Variants in CRMP1 observed in about 807,000 individuals in gnomAD.
CRMP1 encodes the protein dihydropyrimidinase-related protein 1.
Under a neutral mutation model 68.3 loss-of-function variants are expected in CRMP1, and 19 were observed. The observed-to-expected ratio is 0.28, with a 90% confidence interval of 0.19 to 0.41. The LOEUF is 0.41. Among genes scored for constraint, CRMP1 ranks in the 10% least tolerant of loss-of-function variants. CRMP1 has a pLI of 1.00. For synonymous variants in CRMP1, 439 were observed against 399.6 expected, an observed-to-expected ratio of 1.10 and a Z score of -1.18; for missense variants, 791 against 967.4, an observed-to-expected ratio of 0.82 and a Z score of 2.42.
Position 5,843,742 on chromosome 4 carries a change from C to T in CRMP1, c.964-581G>A, listed in dbSNP as rs1009893592. On this transcript the variant is annotated intron_variant, in intron 6 of 13. Coordinates refer to ENST00000324989, the MANE Select transcript of CRMP1 (RefSeq NM_001014809.3). This position sits in a 1 kb window ranked among gnomAD's most constrained non-coding sequence, Gnocchi z 4.1. ...CAGATGAGCGAGCATACGAAACATG[C>T]TCAGCACAAAACCTGGAGCTGAGCG... is the stretch of plus-strand genomic sequence containing the variant. 6.6e-6 allele frequency among the ~76,000 whole-genome samples: 1 copy of T among 152,138 alleles called. No individual in the cohort carries two copies. The highest frequency in any genetic ancestry group is 1.5e-5 in the Non-Finnish European group (1 of 68,040).
rs183658003 is a variant in CRMP1, at chr4:5,868,538, T to A, written c.382-1782A>T. Among the ~76,000 whole-genome samples the A allele has an allele frequency of 4.8e-4, 73 of 152,108 alleles. 2 individuals carry two copies. The East Asian group carries it at 0.013, about 28-fold the overall frequency. Reference sequence around the variant, plus strand: ...GGATGGTCTCAATCTCCCGACCTCATGATCTGCCTGCCTTGGCCTCCCAAA... The same window carrying A: ...GGATGGTCTCAATCTCCCGACCTCAAGATCTGCCTGCCTTGGCCTCCCAAA... On this transcript the variant is annotated intron_variant, in intron 1 of 13. Transcript: ENST00000324989.
chr4:5,882,806 C>T (rs1397788575), intron 1 of CRMP1, among the ~76,000 whole-genome samples: 1 of 152,150 alleles, frequency 6.6e-6, no homozygotes, highest in Non-Finnish European at 1.5e-5. Context: ...TCAGAGTGGC[C>T]TAGAACTTGG....
In CRMP1 at chr4:5,858,348, C is replaced by T. The variant is rs1273310046; in HGVS notation, c.656-2041G>A. ...CCGGTTGTGTTCTTGGCTTCTCCAC[C>T]GAGATGACTCAAAAGCTCCCCCAAA... On this transcript the variant is annotated intron_variant, in intron 3 of 13. Coordinates refer to ENST00000324989, the MANE Select transcript of CRMP1 (RefSeq NM_001014809.3). This position sits in a 1 kb window ranked among gnomAD's most constrained non-coding sequence, Gnocchi z 5.5. 2.6e-5 allele frequency among the ~76,000 whole-genome samples: 4 copies of T among 152,100 alleles called. No homozygotes were observed. The highest frequency in any genetic ancestry group is 1.9e-4 in the East Asian group (1 of 5,190).
At chr4:5,887,787 G>C in intron 1 of CRMP1, 9 of 989,510 alleles carry the variant, frequency 9.1e-6, no homozygotes, top group Non-Finnish European at 1.1e-5. Context: ...TCCTCCAGCG[G>C]GGGAGGTACC....
At chr4:5,847,862 T>A (rs1712336100) in intron 6 of CRMP1, among the ~76,000 whole-genome samples, 1 of 152,188 alleles carries the variant, frequency 6.6e-6, no homozygotes, top group Non-Finnish European at 1.5e-5. Flanking sequence ...TATCAATATG[T>A]GAAGTCCTTT....
chr4:5,887,512 G>A, intron 1 of CRMP1: 3 of 984,934 alleles, frequency 3.0e-6, no homozygotes, highest in South Asian at 9.4e-5. Context: ...GAGACAAAGC[G>A]TAAAGACGGG....
chr4:5,888,737 T>A lies in CRMP1; in HGVS notation c.381+3852A>T. The A allele has an allele frequency of 1.6e-6, 1 of 628,506 alleles. No homozygotes were observed. The highest frequency in any genetic ancestry group is 2.0e-6 in the Non-Finnish European group (1 of 504,350). The allele number at this position is 628,506 out of a possible 1,614,324, so 38.9% of individuals were successfully genotyped here. ...GAGAGTATGGTTTTCAGGGCTCCTTTAAAAGAAAAAGACGGCGCGGTCAGG... is the reference window on the plus strand; with the variant it reads ...GAGAGTATGGTTTTCAGGGCTCCTTAAAAAGAAAAAGACGGCGCGGTCAGG... On this transcript the variant is annotated intron_variant, in intron 1 of 13. Transcript: ENST00000324989. The surrounding 1 kb of genome is among the most constrained non-coding windows in gnomAD (Gnocchi z 6.4).
At position 5,854,873 on chromosome 4, in the gene CRMP1, CCTT is replaced by C. The variant is rs1484139253; in HGVS notation, c.820+1267_820+1269del. 6.6e-6 allele frequency among the ~76,000 whole-genome samples: 1 copy of C among 152,128 alleles called. No individual in the cohort carries two copies. Among genetic ancestry groups the C allele is most frequent in the Non-Finnish European group, 1.5e-5 (1 of 68,030 alleles). ...TCTTGAAAAATGTTAAAACCTCTGA[CCTT>C]CTAATTCCACTTCTGGAAATCTAAA... On this transcript the variant is annotated intron_variant, in intron 4 of 13. Coordinates refer to ENST00000324989, the MANE Select transcript of CRMP1 (RefSeq NM_001014809.3). This position sits in a 1 kb window ranked among gnomAD's most constrained non-coding sequence, Gnocchi z 4.0.
At chr4:5,846,157 G>A (rs1357035981) in intron 6 of CRMP1, among the ~76,000 whole-genome samples, 8 of 152,126 alleles carry the variant, frequency 5.3e-5, no homozygotes, top group African/African-American at 1.4e-4. Flanking sequence ...TTAGCTAGGC[G>A]TGGTGGCGCA....
At chr4:5,871,354 G>A (rs766158508) in intron 1 of CRMP1, among the ~76,000 whole-genome samples, 2 of 152,152 alleles carry the variant, frequency 1.3e-5, no homozygotes, top group Admixed American at 6.5e-5. Context: ...ACCCGGTGCC[G>A]TGAGTTTAGA....
intron 5 of CRMP1, 58 bp from the exon 6 acceptor site, chr4:5,849,530 G>C: frequency 1.7e-6 from 2 of 1,182,102 alleles, no homozygotes; most frequent in South Asian, 2.6e-5. Context: ...AAATCACAGC[G>C]TGTGCATTCA....
chr4:5,842,410 C>A lies in CRMP1; in HGVS notation c.1032+683G>T, dbSNP rs1236449289. ...TACCACTGCACTGTAGCCTGGGCAA[C>A]AGAGAGAGACTCCATCTCAAAAAAA... is the stretch of plus-strand genomic sequence containing the variant. On this transcript the variant is annotated intron_variant, in intron 7 of 13. Transcript: ENST00000324989. The surrounding 1 kb of genome is among the most constrained non-coding windows in gnomAD (Gnocchi z 4.5). Among the ~76,000 whole-genome samples, 17 of 125,818 alleles carry A rather than the reference C, an allele frequency of 1.4e-4. No individual in the cohort carries two copies. Among genetic ancestry groups the A allele is most frequent in the Admixed American group, 3.9e-4 (4 of 10,278 alleles). 82.5% of individuals were successfully genotyped at this position (125,818 alleles called of 152,430 possible). A position where few individuals can be genotyped will look rare whatever the true frequency, so the allele number is the denominator to read the frequency against.
rs1370059988 is a variant in CRMP1, at chr4:5,888,393, G to A, written c.381+4196C>T. On this transcript the variant is annotated intron_variant, in intron 1 of 13. Coordinates refer to ENST00000324989, the MANE Select transcript of CRMP1 (RefSeq NM_001014809.3). The surrounding 1 kb of genome is among the most constrained non-coding windows in gnomAD (Gnocchi z 6.4). Reference sequence around the variant, plus strand: ...CGGGAGGGATAGAGACACGGACGGAGGCTCGGCGCCCGTGGATGCCCACGC... The same window carrying A: ...CGGGAGGGATAGAGACACGGACGGAAGCTCGGCGCCCGTGGATGCCCACGC... 2 of 1,221,726 alleles carry A rather than the reference G, an allele frequency of 1.6e-6. No individual in the cohort carries two copies. Among genetic ancestry groups the A allele is most frequent in the Non-Finnish European group, 2.0e-6 (2 of 980,734 alleles). The allele number at this position is 1,221,726 out of a possible 1,614,324, so 75.7% of individuals were successfully genotyped here.
rs1402971548 is a variant in CRMP1 at position 5,866,955 on chromosome 4, CTT to C, written c.382-201_382-200del. 2.0e-5 allele frequency among the ~76,000 whole-genome samples: 3 copies of C among 152,200 alleles called. No individual in the cohort carries two copies. The highest frequency in any genetic ancestry group is 6.5e-5 in the Admixed American group (1 of 15,282). On this transcript the variant is annotated intron_variant, in intron 1 of 13. Transcript: ENST00000324989. The surrounding 1 kb of genome is among the most constrained non-coding windows in gnomAD (Gnocchi z 5.9). ...CTCCTTTCACCTTTCTCCCCTCTCA[CTT>C]TGTTTTGTTTTTGCTGAGGTGTTTT... is the stretch of plus-strand genomic sequence containing the variant.
In CRMP1 at chr4:5,825,783, C is replaced by T. The variant is rs1486245653; in HGVS notation, c.1804-124G>A. The T allele has an allele frequency of 1.2e-6, 1 of 868,124 alleles. No homozygotes were observed. Among genetic ancestry groups the T allele is most frequent in the Non-Finnish European group, 1.8e-6 (1 of 558,720 alleles). The allele number at this position is 868,124 out of a possible 1,614,324, so 53.8% of individuals were successfully genotyped here. On this transcript the variant is annotated intron_variant, in intron 12 of 13. Coordinates refer to ENST00000324989, the MANE Select transcript of CRMP1 (RefSeq NM_001014809.3). This position sits in a 1 kb window ranked among gnomAD's most constrained non-coding sequence, Gnocchi z 4.4. ...GTCACTTCAAATGTGCATGCACACA[C>T]ACACACAACACGCACACACGACAGG...
At chr4:5,833,536 A>G (rs970217001) in intron 11 of CRMP1, among the ~76,000 whole-genome samples, 1 of 134,798 alleles carries the variant, frequency 7.4e-6, no homozygotes, top group Admixed American at 6.9e-5. Flanking sequence ...AACAGCGTCC[A>G]GAGGAAACTT....
chr4:5,826,981 G>C (rs1719737112), intron 12 of CRMP1: 1 of 152,510 alleles, frequency 6.6e-6, no homozygotes, highest in African/African-American at 2.4e-5. Flanking sequence ...CATTCTCTGT[G>C]GCTGTGGCAT....
At chr4:5,845,445 C>G (rs1245168132) in intron 6 of CRMP1, among the ~76,000 whole-genome samples, 3 of 152,256 alleles carry the variant, frequency 2.0e-5, no homozygotes, top group Non-Finnish European at 2.9e-5. Flanking sequence ...CAGCAAAGAA[C>G]AGACCATCAC....
At position 5,851,219 on chromosome 4, in the gene CRMP1, C is replaced by A. The variant is rs115227265; in HGVS notation, c.882+189G>T. Reference sequence around the variant, plus strand: ...GAACCCCTTCTGCATGCCACTCACACAGTCAGAAAAGAACAGAAGCCCAGC... The same window carrying A: ...GAACCCCTTCTGCATGCCACTCACAAAGTCAGAAAAGAACAGAAGCCCAGC... On this transcript the variant is annotated intron_variant, in intron 5 of 13. Transcript: ENST00000324989. 2.4e-3 allele frequency among the ~76,000 whole-genome samples: 367 copies of A among 152,318 alleles called. 3 individuals carry two copies. The highest frequency in any genetic ancestry group is 8.3e-3 in the African/African-American group (344 of 41,570).
Sources: gnomAD v4.1 joint callset for allele counts (sites outside exome capture counted in the v4.1 genomes callset) on GRCh38, gnomAD v4.1.1 for gene constraint, Gnocchi (gnomAD v3.1) non-coding constraint, MANE v1.5 for transcripts, NCBI Gene and HGNC (gene_info 2026-07-23, HGNC 2026-07-21) for gene names.